UTP18: variants seen among roughly 807,000 people sequenced by gnomAD.
UTP18 encodes UTP18 small subunit processome component.
UTP18 carries 36 observed loss-of-function variants against 61.1 expected under a neutral mutation model. The ratio of observed to expected loss-of-function variants is 0.59; its 90% CI spans 0.45 to 0.78. UTP18 has a LOEUF of 0.78. Ranked by LOEUF, UTP18 falls within the 30% of genes least tolerant of loss-of-function variation. UTP18 has a pLI of 0.00. For synonymous variants in UTP18, 282 were observed against 251.1 expected, an observed-to-expected ratio of 1.12 and a Z score of -1.16; for missense variants, 753 against 693.9, an observed-to-expected ratio of 1.09 and a Z score of -0.96.
chr17:51,283,454 C>A (rs965655784), intron 9 of UTP18, among the ~76,000 whole-genome samples: 4 of 152,092 alleles, frequency 2.6e-5, no homozygotes, highest in Admixed American at 2.6e-4. Flanking sequence ...AGGTGTGAGC[C>A]ACTGCGTGTG....
At chr17:51,277,843 C>T (rs1904781671) in intron 7 of UTP18, among the ~76,000 whole-genome samples, 1 of 152,178 alleles carries the variant, frequency 6.6e-6, no homozygotes, top group Admixed American at 6.5e-5. Flanking sequence ...CATACCCATT[C>T]TTTTCCTATA....
At chr17:51,281,711 A>T (rs1904932360) in intron 9 of UTP18, among the ~76,000 whole-genome samples, 1 of 152,146 alleles carries the variant, frequency 6.6e-6, no homozygotes, top group African/African-American at 2.4e-5. Flanking sequence ...GTTATGCAAA[A>T]TGTTAACATT....
intron 11 of UTP18, among the ~76,000 whole-genome samples, chr17:51,292,009 T>C (rs528250427): frequency 3.9e-5 from 6 of 152,300 alleles, no homozygotes; most frequent in Admixed American, 1.3e-4. Flanking sequence ...GATCATCTGT[T>C]CATAGTTGGG....
Position 51,281,162 on chromosome 17 carries a change from A to ATT in UTP18, c.1204+684_1204+685insTT, listed in dbSNP as rs112607605. Reference sequence around the variant, plus strand: ...TCAAAATATATATATATATATATATATATTTTTTTTAAACGAAAAGTTGTG... The same window carrying ATT: ...TCAAAATATATATATATATATATATATTTATTTTTTTTAAACGAAAAGTTGTG... On this transcript the variant is annotated intron_variant, in intron 9 of 13. Transcript: ENST00000225298. Among the ~76,000 whole-genome samples the ATT allele has an allele frequency of 2.0e-3, 196 of 100,058 alleles. 1 individual carries two copies. The highest frequency in any genetic ancestry group is 4.9e-3 in the South Asian group (15 of 3,092). 65.6% of individuals were successfully genotyped at this position (100,058 alleles called of 152,430 possible). A position where few individuals can be genotyped will look rare whatever the true frequency, so the allele number is the denominator to read the frequency against.
At chr17:51,268,228 A>G (rs1037845836) in intron 3 of UTP18, among the ~76,000 whole-genome samples, 14 of 152,044 alleles carry the variant, frequency 9.2e-5, no homozygotes, top group East Asian at 7.7e-4. Context: ...GGGTTTCACC[A>G]TGTTAGCCAG....
At chr17:51,286,455 C>G (rs747966612) in intron 10 of UTP18, 6 of 456,162 alleles carry the variant, frequency 1.3e-5, no homozygotes, top group South Asian at 9.3e-5. Flanking sequence ...AGCATACTCT[C>G]TACTCTTTGT....
At position 51,268,844 on chromosome 17, in the gene UTP18, C is replaced by T; in HGVS notation, c.562C>T (p.His188Tyr). 1 of 1,613,830 alleles carries T rather than the reference C, an allele frequency of 6.2e-7. No homozygotes were observed. Among genetic ancestry groups the T allele is most frequent in the Middle Eastern group, 1.7e-4 (1 of 6,058 alleles). The part of the protein sequence containing the change: ...LKKRLKEEFQ[H>Y]AMGGVPAWAE... ...TCAAATATTTTTGCTTAGATTCCAA[C>T]ATGCCATGGGAGGAGTACCTGCCTG... The change falls in exon 4 of 14, where the codon CAT (histidine) becomes TAT (tyrosine). Residue 188 changes from histidine to tyrosine, a missense_variant. Coordinates refer to ENST00000225298, the MANE Select transcript of UTP18 (RefSeq NM_016001.3).
chr17:51,291,748 A>C (rs570547472), intron 11 of UTP18, among the ~76,000 whole-genome samples: 1 of 152,020 alleles, frequency 6.6e-6, no homozygotes, highest in Admixed American at 6.6e-5. Context: ...CAAAAAAAAA[A>C]AAAAAGAAAA....
intron 2 of UTP18, among the ~76,000 whole-genome samples, chr17:51,263,721 G>T (rs192328942): frequency 6.6e-6 from 1 of 152,222 alleles, no homozygotes; most frequent in Non-Finnish European, 1.5e-5. Context: ...TTGTGAAATG[G>T]GCACAATGAT....
At chr17:51,289,283 G>A (rs1199689977) in intron 11 of UTP18, among the ~76,000 whole-genome samples, 12 of 147,148 alleles carry the variant, frequency 8.2e-5, no homozygotes, top group Admixed American at 4.1e-4. Flanking sequence ...TGCAGCCTCC[G>A]CCTCCTGGGT....
Position 51,276,712 on chromosome 17 carries a change from G to C in UTP18, c.838-418G>C, listed in dbSNP as rs78081679. ...GTCCTGCAGGTGCTTCACAGTATCTGCTCTTGGATAGGGTATCCCAGTTTT... is the reference window on the plus strand; with the variant it reads ...GTCCTGCAGGTGCTTCACAGTATCTCCTCTTGGATAGGGTATCCCAGTTTT... On this transcript the variant is annotated intron_variant, in intron 6 of 13. Transcript: ENST00000225298. 1.4e-4 allele frequency among the ~76,000 whole-genome samples: 22 copies of C among 152,326 alleles called. No individual in the cohort carries two copies. In the East Asian group the frequency reaches 3.9e-3, roughly 27 times the overall value.
chr17:51,272,094 G>T (rs979142237), intron 4 of UTP18, among the ~76,000 whole-genome samples: 2 of 151,012 alleles, frequency 1.3e-5, no homozygotes, highest in African/African-American at 2.4e-5. Flanking sequence ...AGTTTTTTTT[G>T]TTGTTGTTGT....
At position 51,263,295 on chromosome 17, in the gene UTP18, G is replaced by A. The variant is rs368023707; in HGVS notation, c.364G>A (p.Gly122Ser). The change falls in exon 2 of 14, where the codon GGT becomes AGT. Residue 122 changes from glycine to serine, a missense_variant. By Grantham distance (56) the Gly-to-Ser change is moderately conservative. Coordinates refer to ENST00000225298, the MANE Select transcript of UTP18 (RefSeq NM_016001.3). ...GPRVQEHEDS[G>S]DSEVENEAKG... ...GTAGGTTCAAGAACATGAAGACTCG[G>A]GTGACTCAGAAGTGGAGAATGAAGC... The A allele has an allele frequency of 1.2e-6, 2 of 1,613,996 alleles. No individual in the cohort carries two copies. Among genetic ancestry groups the A allele is most frequent in the Admixed American group, 1.7e-5 (1 of 59,994 alleles).
At chr17:51,273,748 A>AATAAATAAATAAATAC (rs1904618843) in intron 5 of UTP18, among the ~76,000 whole-genome samples, 1 of 150,338 alleles carries the variant, frequency 6.7e-6, no homozygotes, top group Admixed American at 6.6e-5. Context: ...ATAATAAATA[A>AATAAATAAATAAATAC]ATAAATAAAT....
intron 7 of UTP18, among the ~76,000 whole-genome samples, chr17:51,279,152 TCTA>T (rs367589134): frequency 1.3e-5 from 2 of 152,204 alleles, no homozygotes; most frequent in Non-Finnish European, 2.9e-5. Context: ...GTGTTAAAAA[TCTA>T]CTATGTAGAA....
In UTP18 at chr17:51,266,522, C is replaced by A. The variant is rs116592848; in HGVS notation, c.554+242C>A. Among the ~76,000 whole-genome samples, 783 of 152,252 alleles carry A rather than the reference C, an allele frequency of 5.1e-3. 9 individuals carry two copies. The highest frequency in any genetic ancestry group is 0.018 in the African/African-American group (752 of 41,538). On this transcript the variant is annotated intron_variant, in intron 3 of 13. Transcript: ENST00000225298. Reference sequence around the variant, plus strand: ...TCAGTGATAATATTGCTTACTTGTTCATTTGCATATGGTACACCATAATTT... The same window carrying A: ...TCAGTGATAATATTGCTTACTTGTTAATTTGCATATGGTACACCATAATTT...
intron 4 of UTP18, among the ~76,000 whole-genome samples, chr17:51,272,600 A>G (rs1319565870): frequency 6.6e-6 from 1 of 152,198 alleles, no homozygotes; most frequent in Non-Finnish European, 1.5e-5. Flanking sequence ...GTTTACTTCT[A>G]GGTAGGTAGC....
At chr17:51,279,698 C>T (rs987704414) in intron 7 of UTP18, among the ~76,000 whole-genome samples, 1 of 152,144 alleles carries the variant, frequency 6.6e-6, no homozygotes, top group African/African-American at 2.4e-5. Context: ...AGAGGTATTA[C>T]TGCATATATT....
At chr17:51,282,867 CTT>C (rs534175274) in intron 9 of UTP18, among the ~76,000 whole-genome samples, 38,901 of 119,140 alleles carry the variant, frequency 0.33, 5,332 homozygotes, top group East Asian at 0.52. Flanking sequence ...TCTTCTTCTT[CTT>C]TTTTTTTTTT....
Sources: gnomAD v4.1 joint callset for allele counts (sites outside exome capture counted in the v4.1 genomes callset) on GRCh38, gnomAD v4.1.1 for gene constraint, MANE v1.5 for transcripts, NCBI Gene and HGNC (gene_info 2026-07-23, HGNC 2026-07-21) for gene names.